Variants in NCOA6 observed in about 807,000 individuals in gnomAD.
NCOA6 encodes the protein NRC RAP250.
Under a neutral mutation model 171.4 loss-of-function variants are expected in NCOA6, and 49 were observed. The observed-to-expected ratio is 0.29, with a 90% confidence interval of 0.23 to 0.36. NCOA6 has a LOEUF of 0.36. Ranked by LOEUF, NCOA6 falls within the 10% of genes least tolerant of loss-of-function variation. The pLI is 1.00. For missense variants in NCOA6, 2,248 were observed against 2,554.5 expected (o/e 0.88, Z 2.59); for synonymous variants, 910 against 927.5 (o/e 0.98, Z 0.34).
chr20:34,749,614 G>C lies in NCOA6; in HGVS notation c.2581C>G (p.Pro861Ala), dbSNP rs752375583. Residue 861 changes from proline (P) to alanine (A), a missense_variant, in exon 9 of 15, where the codon CCC becomes GCC. Around this residue, in one of 7 missense-constraint regions of NCOA6, gnomAD observed 987 missense variants for 1,104.7 expected, o/e 0.89. Coordinates refer to ENST00000359003, the MANE Select transcript of NCOA6 (RefSeq NM_014071.5). ...CCACAGGACATCTGATTTCCATTGGGAGCTCCACTGAAAGGTGCATTGAAA... is the reference window on the plus strand; with the variant it reads ...CCACAGGACATCTGATTTCCATTGGCAGCTCCACTGAAAGGTGCATTGAAA... ...MSFNAPFSGA[P>A]NGNQMSCGQN... The C allele has an allele frequency of 1.2e-6, 2 of 1,614,158 alleles. No homozygotes were observed. Among genetic ancestry groups the C allele is most frequent in the Non-Finnish European group, 1.7e-6 (2 of 1,180,018 alleles).
At chr20:34,823,944 A>C (rs1040390646) in intron 1 of NCOA6, among the ~76,000 whole-genome samples, 2 of 152,134 alleles carry the variant, frequency 1.3e-5, no homozygotes, top group African/African-American at 4.8e-5. Flanking sequence ...TTGGCCTCCC[A>C]AAGTGTTGGG....
chr20:34,811,508 T>C (rs934652127), intron 1 of NCOA6, among the ~76,000 whole-genome samples: 2 of 152,024 alleles, frequency 1.3e-5, no homozygotes, highest in Non-Finnish European at 2.9e-5. Context: ...ATTTCAGATT[T>C]ACAGAACATG....
At chr20:34,778,958 CAAAAAAAAAAAA>C (rs57631874) in intron 3 of NCOA6, among the ~76,000 whole-genome samples, 12 of 46,508 alleles carry the variant, frequency 2.6e-4, no homozygotes, top group South Asian at 2.2e-3. Flanking sequence ...GACTCCGTTT[CAAAAAAAAAAAA>C]AAAAAAAAAA....
At chr20:34,727,726 CTT>C (rs752719149) in intron 13 of NCOA6, among the ~76,000 whole-genome samples, 8 of 141,062 alleles carry the variant, frequency 5.7e-5, no homozygotes, top group Non-Finnish European at 6.2e-5. Flanking sequence ...CTTTTCTTTT[CTT>C]TTTTTTTTTT....
At chr20:34,766,840 A>C (rs1365282554) in intron 5 of NCOA6, among the ~76,000 whole-genome samples, 1 of 152,092 alleles carries the variant, frequency 6.6e-6, no homozygotes, top group Non-Finnish European at 1.5e-5. Context: ...TCTTTCATTA[A>C]CTATATCTAA....
At chr20:34,753,602 G>C (rs1027569008) in intron 8 of NCOA6, among the ~76,000 whole-genome samples, 2 of 151,954 alleles carry the variant, frequency 1.3e-5, no homozygotes, top group Admixed American at 6.5e-5. Context: ...GGAGGCTGCA[G>C]TGAGCCGATA....
intron 1 of NCOA6, chr20:34,809,425 T>C (rs1474934689): frequency 2.5e-6 from 1 of 398,400 alleles, no homozygotes; most frequent in Non-Finnish European, 4.4e-6. Flanking sequence ...ATAAATTGAA[T>C]TTCATGTATT....
rs565943591 is a variant in NCOA6 at position 34,748,596 on chromosome 20, A to C, written c.2792+807T>G. On this transcript the variant is annotated intron_variant, in intron 9 of 14. Transcript: ENST00000359003. ...TAGCTCAGTGAATATTCCTTCTGGA[A>C]ACATTTTATCAAACCCAGAAACACA... Among the ~76,000 whole-genome samples the C allele has an allele frequency of 3.9e-5, 6 of 152,334 alleles. No individual in the cohort carries two copies. The South Asian group carries it at 1.2e-3, about 32-fold the overall frequency.
rs1249500260 is a variant in NCOA6, at chr20:34,750,017, C to T, written c.2178G>A (p.Gln726=). Residue 726 remains glutamine (Q), a synonymous_variant, in exon 9 of 15, where the codon CAG becomes CAA. Transcript: ENST00000359003. ...TGGACTGGTTCTGAGTGTTAAACTGCTGCTTATTCCCCTGCATTTGATTGG... is the reference window on the plus strand; with the variant it reads ...TGGACTGGTTCTGAGTGTTAAACTGTTGCTTATTCCCCTGCATTTGATTGG... ...IMTNQMQGNK[Q]QFNTQNQSNV... The T allele has an allele frequency of 1.9e-6, 3 of 1,614,264 alleles. No individual in the cohort carries two copies. Among genetic ancestry groups the T allele is most frequent in the Admixed American group, 1.7e-5 (1 of 60,034 alleles).
intron 12 of NCOA6, 117 bp from the exon 13 acceptor site, chr20:34,732,712 G>T: frequency 1.3e-6 from 1 of 793,588 alleles, no homozygotes. Context: ...TGCCCAGCAG[G>T]ATTCTCACCC....
intron 13 of NCOA6, among the ~76,000 whole-genome samples, chr20:34,731,077 T>C (rs1990556838): frequency 6.6e-6 from 1 of 151,638 alleles, no homozygotes; most frequent in Non-Finnish European, 1.5e-5. Flanking sequence ...TGGGGTGCAG[T>C]GGCATGATCT....
In NCOA6 at chr20:34,742,231, G is replaced by C; in HGVS notation, c.4025C>G (p.Pro1342Arg). 6.2e-7 allele frequency: 1 copy of C among 1,614,202 alleles called. No homozygotes were observed. Among genetic ancestry groups the C allele is most frequent in the Non-Finnish European group, 8.5e-7 (1 of 1,180,050 alleles). Residue 1342 changes from proline to arginine, a missense_variant, in exon 11 of 15, where the codon CCA becomes CGA. Transcript: ENST00000359003. ...TTTTGAATTTTGCCTCCCAGGGCTT[G>C]GAGTGGTTTTCCTACTGGACCCAGG... ...SSPGSSRKTT[P>R]SPGRQNSKAP...
At chr20:34,822,050 C>G (rs1024229294) in intron 1 of NCOA6, among the ~76,000 whole-genome samples, 6 of 152,106 alleles carry the variant, frequency 3.9e-5, no homozygotes, top group African/African-American at 1.5e-4. Flanking sequence ...TTACTTCTAA[C>G]TCTGCTCAGT....
chr20:34,766,301 G>T (rs1358635656), intron 5 of NCOA6, among the ~76,000 whole-genome samples: 1 of 151,996 alleles, frequency 6.6e-6, no homozygotes, highest in Non-Finnish European at 1.5e-5. Flanking sequence ...CAGTTTCCTA[G>T]GTTGATAATC....
intron 14 of NCOA6, among the ~76,000 whole-genome samples, chr20:34,725,821 G>A (rs975603410): frequency 2.0e-5 from 3 of 152,124 alleles, no homozygotes; most frequent in Non-Finnish European, 2.9e-5. Context: ...CACAAGTTTG[G>A]TTTTAGATAT....
intron 14 of NCOA6, among the ~76,000 whole-genome samples, chr20:34,721,177 T>G (rs1049746639): frequency 7.4e-6 from 1 of 135,042 alleles, no homozygotes; most frequent in Admixed American, 8.6e-5. Flanking sequence ...CATGCCTATG[T>G]AATGAAGCCC....
At chr20:34,724,064 T>C (rs2068198871) in intron 14 of NCOA6, among the ~76,000 whole-genome samples, 1 of 152,216 alleles carries the variant, frequency 6.6e-6, no homozygotes, top group Admixed American at 6.5e-5. Context: ...CCTTTTATGC[T>C]TTAAGTGTAG....
Position 34,741,501 on chromosome 20 carries a change from A to G in NCOA6, c.4755T>C (p.Ser1585=). Residue 1585 remains serine, a synonymous_variant, in exon 11 of 15, where the codon TCT becomes TCC. Coordinates refer to ENST00000359003, the MANE Select transcript of NCOA6 (RefSeq NM_014071.5). ...IPPVMSRPVS[S]SSISTPLPPN... is the part of the protein sequence containing the mutation. ...GGGGCAAGGGAGTGGAAATGGAGGA[A>G]GAGCTAACAGGTCTTGACATTACTG... The G allele has an allele frequency of 6.2e-7, 1 of 1,613,982 alleles. No homozygotes were observed. Among genetic ancestry groups the G allele is most frequent in the South Asian group, 1.1e-5 (1 of 91,084 alleles).
chr20:34,727,123 CAG>C (rs1027596030), intron 14 of NCOA6, 134 bp downstream of exon 14: 82 of 1,018,726 alleles, frequency 8.0e-5, no homozygotes, highest in Non-Finnish European at 1.1e-4. Context: ...AAGGACCAAA[CAG>C]GTAGTAGAAG....
Sources: allele counts gnomAD v4.1 joint callset (sites outside exome capture counted in the v4.1 genomes callset), GRCh38; gene constraint gnomAD v4.1.1; regional missense constraint gnomAD v4.1.1; transcripts MANE v1.5; gene names NCBI Gene and HGNC (gene_info 2026-07-23, HGNC 2026-07-21).